CD6: variants seen among roughly 807,000 people sequenced by gnomAD.
The protein encoded by CD6 is CD6 molecule.
Under a neutral mutation model 75.3 loss-of-function variants are expected in CD6, and 53 were observed. The observed-to-expected ratio is 0.70, with a 90% CI of 0.56 to 0.88. CD6 has a LOEUF of 0.88. Ranked by LOEUF, CD6 falls within the 40% of genes least tolerant of loss-of-function variation. CD6 has a pLI of 0.00. For synonymous variants in CD6, 359 were observed against 381.5 expected (o/e 0.94, Z 0.69); for missense variants, 770 against 897.1 (o/e 0.86, Z 1.81).
chr11:61,010,203 G>T (rs1446362161), intron 5 of CD6, among the ~76,000 whole-genome samples: 3 of 152,138 alleles, frequency 2.0e-5, no homozygotes, highest in African/African-American at 7.2e-5. Flanking sequence ...ATATTAGCAG[G>T]CCCTAGTAAT....
chr11:60,998,456 A>G (rs1331673104), intron 1 of CD6, among the ~76,000 whole-genome samples: 1 of 152,202 alleles, frequency 6.6e-6, no homozygotes, highest in Non-Finnish European at 1.5e-5. Context: ...CGGGGCCAGA[A>G]AGTGAAAGAA....
chr11:60,989,670 G>A (rs1041546544), intron 1 of CD6, among the ~76,000 whole-genome samples: 2 of 152,198 alleles, frequency 1.3e-5, no homozygotes, highest in East Asian at 3.8e-4. Flanking sequence ...TTAATAATAA[G>A]AGTAACTAGA....
rs1246977961 is a variant in CD6 at position 61,013,512 on chromosome 11, G to T, written c.1240G>T (p.Gly414Cys). The T allele has an allele frequency of 3.7e-6, 6 of 1,614,118 alleles. No individual in the cohort carries two copies. Among genetic ancestry groups the T allele is most frequent in the Non-Finnish European group, 5.1e-6 (6 of 1,179,992 alleles). ...CATCGTTCTGGGAATTCTCCTCCTT[G>T]GCTCCCTCATCTTCATAGCCTTCAT... ...PSIVLGILLL[G>C]SLIFIAFILL... Residue 414 changes from glycine (G) to cysteine (C), a missense_variant, in exon 7 of 13, where the codon GGC becomes TGC. By Grantham distance (159) the Gly-to-Cys change is radical (BLOSUM62 -3). Coordinates refer to ENST00000313421, the MANE Select transcript of CD6 (RefSeq NM_006725.5).
intron 1 of CD6, chr11:60,988,013 CCT>C (rs1237837855): frequency 1.3e-5 from 2 of 152,324 alleles, no homozygotes; most frequent in African/African-American, 2.4e-5. Context: ...CTTTGAGCCG[CCT>C]CAGAAGCATC....
At chr11:60,991,444 G>A (rs769134835) in intron 1 of CD6, among the ~76,000 whole-genome samples, 8 of 151,882 alleles carry the variant, frequency 5.3e-5, no homozygotes, top group Admixed American at 2.0e-4. Context: ...TGAGCCCCGC[G>A]TTTGGCCTCA....
Position 60,976,668 on chromosome 11 carries a change from C to T in CD6, c.49+4754C>T, listed in dbSNP as rs368948044. On this transcript the variant is annotated intron_variant, in intron 1 of 12. Coordinates refer to ENST00000313421, the MANE Select transcript of CD6 (RefSeq NM_006725.5). ...CCATCTCAGTGGACTGAGCTGAGGT[C>T]GGTGTTTTTGTTGTTTTGCCAAAAC... is the stretch of plus-strand genomic sequence containing the variant. 2.2e-4 allele frequency among the ~76,000 whole-genome samples: 33 copies of T among 152,196 alleles called. No individual in the cohort carries two copies. The South Asian group carries it at 4.8e-3, about 22-fold the overall frequency.
At position 61,015,768 on chromosome 11, in the gene CD6, C is replaced by T; in HGVS notation, c.1443C>T (p.Gly481=). The change falls in exon 9 of 13, where the codon GGC becomes GGT. Residue 481 remains glycine, a synonymous_variant. Transcript: ENST00000313421. ...CGCCCCCTGAGGACTCAGACTCTGG[C>T]TCGGACTCAGACTATGAGCACTATG... ...QAPPPEDSDS[G]SDSDYEHYDF... 6.2e-7 allele frequency: 1 copy of T among 1,614,218 alleles called. No homozygotes were observed. The highest frequency in any genetic ancestry group is 1.1e-5 in the South Asian group (1 of 91,088).
chr11:61,010,893 TA>T (rs1859106821), intron 5 of CD6, among the ~76,000 whole-genome samples, 176 bp from the exon 6 acceptor site: 1 of 151,250 alleles, frequency 6.6e-6, no homozygotes, highest in African/African-American at 2.4e-5. Context: ...AGTTCCTCCT[TA>T]CTGTGGGGGG....
intron 1 of CD6, among the ~76,000 whole-genome samples, chr11:60,997,700 G>T (rs920548083): frequency 1.3e-5 from 2 of 152,246 alleles, no homozygotes; most frequent in African/African-American, 4.8e-5. Flanking sequence ...ATTGAAAAAG[G>T]AGAATCACAT....
At chr11:60,988,963 G>C (rs999540516) in intron 1 of CD6, among the ~76,000 whole-genome samples, 1 of 152,194 alleles carries the variant, frequency 6.6e-6, no homozygotes, top group South Asian at 2.1e-4. Flanking sequence ...CCCAGCCTTT[G>C]CACAGAGGGT....
intron 1 of CD6, among the ~76,000 whole-genome samples, chr11:60,992,046 A>G (rs1366078779): frequency 1.3e-5 from 2 of 151,996 alleles, no homozygotes; most frequent in East Asian, 3.8e-4. Context: ...TGTCCAGCTA[A>G]TTTTTTGAAT....
At chr11:60,993,771 G>A (rs1450354206) in intron 1 of CD6, among the ~76,000 whole-genome samples, 4 of 151,990 alleles carry the variant, frequency 2.6e-5, no homozygotes, top group African/African-American at 9.7e-5. Flanking sequence ...CGATCATCCC[G>A]CTCACACTCA....
intron 1 of CD6, chr11:60,982,483 C>T (rs575833338): frequency 4.6e-6 from 2 of 430,720 alleles, no homozygotes; most frequent in South Asian, 3.3e-5. Context: ...GGGTGTTCAC[C>T]TCTTTCAGGA....
At chr11:60,974,403 C>T (rs1240633107) in intron 1 of CD6, among the ~76,000 whole-genome samples, 9 of 152,196 alleles carry the variant, frequency 5.9e-5, no homozygotes, top group African/African-American at 1.9e-4. Context: ...TGCGCCACGA[C>T]GCCCAGCTAA....
At chr11:60,978,055 T>A (rs1007613009) in intron 1 of CD6, among the ~76,000 whole-genome samples, 27 of 152,106 alleles carry the variant, frequency 1.8e-4, no homozygotes, top group African/African-American at 5.8e-4. Context: ...CTCCTCCAAG[T>A]CTGTAATTAG....
intron 10 of CD6, 76 bp from the exon 11 acceptor site, chr11:61,017,683 G>A: frequency 3.1e-6 from 5 of 1,598,858 alleles, no homozygotes; most frequent in Non-Finnish European, 3.4e-6. Flanking sequence ...TAGGCAGTAA[G>A]TGCTTTCTGA....
chr11:60,983,465 T>C (rs368018383), intron 1 of CD6, among the ~76,000 whole-genome samples: 1 of 152,156 alleles, frequency 6.6e-6, no homozygotes, highest in South Asian at 2.1e-4. Flanking sequence ...ATACAAAGAA[T>C]TTCCCCATGC....
At chr11:61,018,496 A>AAGGAAGGGGAAAAGGAGAG in intron 12 of CD6, 103 bp downstream of exon 12, 1 of 911,984 alleles carries the variant, frequency 1.1e-6, no homozygotes. Context: ...GAAAAGGAGA[A>AAGGAAGGGGAAAAGGAGAG]AGGAAGGGTA....
At chr11:61,003,928 C>A (rs539631333) in intron 1 of CD6, among the ~76,000 whole-genome samples, 12 of 152,198 alleles carry the variant, frequency 7.9e-5, no homozygotes, top group African/African-American at 2.9e-4. Context: ...AAAAATAAAG[C>A]CCTCGAGGTT....
Sources: gnomAD v4.1 joint callset for allele counts (sites outside exome capture counted in the v4.1 genomes callset) on GRCh38, gnomAD v4.1.1 for gene constraint, MANE v1.5 for transcripts, NCBI Gene and HGNC (gene_info 2026-07-23, HGNC 2026-07-21) for gene names.